The following FAR2 variants were observed in gnomAD, a reference collection of about 807,000 sequenced individuals.
The protein encoded by FAR2 is fatty acyl-CoA reductase 2, also known as epididymis secretory protein Li 81.
A neutral mutation model predicts 56.0 loss-of-function variants in FAR2; 19 were observed. That is an observed-to-expected ratio of 0.34 (90% CI 0.24 to 0.50). The LOEUF (loss-of-function observed/expected upper bound fraction) is 0.50, where lower values mean the gene tolerates loss of function less well. Ranked by LOEUF, FAR2 falls within the 20% of genes least tolerant of loss-of-function variation. The probability of loss-of-function intolerance (pLI) is 0.98; values close to 1 mark genes in which losing one functional copy is unlikely to be tolerated. For missense variants in FAR2, 508 were observed against 642.2 expected (o/e 0.79, Z 2.26); for synonymous variants, 219 against 218.8 (o/e 1.00, Z -0.01).
intron 1 of FAR2, among the ~76,000 whole-genome samples, chr12:29,216,849 A>G (rs953628438): frequency 1.3e-5 from 2 of 152,236 alleles, no homozygotes; most frequent in African/African-American, 2.4e-5. Flanking sequence ...AGGAGAAACT[A>G]GATTTTATCA....
chr12:29,260,894 T>A (rs891700088), intron 1 of FAR2, among the ~76,000 whole-genome samples: 2 of 152,198 alleles, frequency 1.3e-5, no homozygotes, highest in African/African-American at 4.8e-5. Flanking sequence ...ACCAAGGCAG[T>A]ACCTTCATGA....
At chr12:29,255,231 T>A (rs1423808102) in intron 1 of FAR2, among the ~76,000 whole-genome samples, 1 of 152,202 alleles carries the variant, frequency 6.6e-6, no homozygotes, top group Non-Finnish European at 1.5e-5. Flanking sequence ...GCTTGCAGAC[T>A]ATTGCCTATT....
At chr12:29,254,731 C>T (rs1245853893) in intron 1 of FAR2, among the ~76,000 whole-genome samples, 1 of 152,130 alleles carries the variant, frequency 6.6e-6, no homozygotes, top group Non-Finnish European at 1.5e-5. Context: ...GCAGGCAGAT[C>T]ACTTGAGGTC....
chr12:29,241,101 G>A (rs1219183276), intron 1 of FAR2, among the ~76,000 whole-genome samples: 3 of 152,166 alleles, frequency 2.0e-5, no homozygotes, highest in East Asian at 1.9e-4. Context: ...CCACGCACCC[G>A]GCCTCATTGT....
intron 10 of FAR2, among the ~76,000 whole-genome samples, chr12:29,329,161 A>ATAGATATG (rs1949694519): frequency 6.6e-6 from 1 of 152,236 alleles, no homozygotes; most frequent in Non-Finnish European, 1.5e-5. Flanking sequence ...CATATCACAT[A>ATAGATATG]TAGACAAAAT....
chr12:29,200,902 G>A (rs1349495445), intron 1 of FAR2, among the ~76,000 whole-genome samples: 1 of 152,180 alleles, frequency 6.6e-6, no homozygotes, highest in East Asian at 1.9e-4. Context: ...AGTCGCAACT[G>A]TTTACAGGAC....
At chr12:29,263,522 G>A (rs1251456483) in intron 1 of FAR2, among the ~76,000 whole-genome samples, 3 of 151,796 alleles carry the variant, frequency 2.0e-5, no homozygotes, top group Non-Finnish European at 4.4e-5. Flanking sequence ...CAAACACATA[G>A]AAATTAAACA....
intron 1 of FAR2, among the ~76,000 whole-genome samples, chr12:29,245,689 A>G (rs547139606): frequency 1.3e-5 from 2 of 152,182 alleles, no homozygotes; most frequent in Admixed American, 1.3e-4. Context: ...AGAAATATCC[A>G]GTCCCTATAA....
chr12:29,320,059 T>A (rs759109252), intron 9 of FAR2, among the ~76,000 whole-genome samples: 3 of 152,038 alleles, frequency 2.0e-5, no homozygotes, highest in Non-Finnish European at 4.4e-5. Context: ...TTTAAAAACG[T>A]TGTCCAGGCA....
At chr12:29,165,122 T>C (rs890720371) in intron 1 of FAR2, among the ~76,000 whole-genome samples, 2 of 152,228 alleles carry the variant, frequency 1.3e-5, no homozygotes, top group African/African-American at 4.8e-5. Context: ...TATTTGTATC[T>C]TGCTTAAGGA....
intron 10 of FAR2, among the ~76,000 whole-genome samples, chr12:29,325,491 T>C (rs11050191): frequency 0.32 from 47,951 of 151,934 alleles, 7,637 homozygotes; most frequent in East Asian, 0.35. Context: ...ATTGACCACA[T>C]AGTTGGAAGT....
intron 1 of FAR2, among the ~76,000 whole-genome samples, chr12:29,268,326 C>T (rs995754872): frequency 2.0e-5 from 3 of 152,200 alleles, no homozygotes; most frequent in African/African-American, 7.2e-5. Context: ...AGATCTTCCC[C>T]ACACCTCCAG....
rs1949280259 is a variant in FAR2 at position 29,307,918 on chromosome 12, T to TCTC, written c.723+90_723+92dup. The TCTC allele has an allele frequency of 2.2e-6, 3 of 1,394,792 alleles. No homozygotes were observed. In the African/African-American group the frequency reaches 4.3e-5, roughly 20 times the overall value. The allele number at this position is 1,394,792 out of a possible 1,614,324, so 86.4% of individuals were successfully genotyped here. Reference sequence around the variant, plus strand: ...AATTACTTTCTGATGTCTTTCTTCTTCTCCTCCTCAGGATTTATAGCTAAG... The same window carrying TCTC: ...AATTACTTTCTGATGTCTTTCTTCTTCTCCTCCTCCTCAGGATTTATAGCTAAG... On this transcript the variant is annotated intron_variant, in intron 5 of 11. Transcript: ENST00000536681.
At chr12:29,171,951 C>A (rs528186510) in intron 1 of FAR2, 1 of 150,500 alleles carries the variant, frequency 6.6e-6, no homozygotes, top group Non-Finnish European at 1.5e-5. Flanking sequence ...GTAAGGAGCA[C>A]CTCTGCCTGG....
chr12:29,214,507 A>AGAACAT (rs1286251538), intron 1 of FAR2, among the ~76,000 whole-genome samples: 3 of 152,294 alleles, frequency 2.0e-5, no homozygotes, highest in African/African-American at 7.2e-5. Flanking sequence ...CTAGAACACA[A>AGAACAT]GAACATGAAC....
chr12:29,190,529 A>C (rs1000435509), intron 1 of FAR2, among the ~76,000 whole-genome samples: 2 of 152,022 alleles, frequency 1.3e-5, no homozygotes, highest in Non-Finnish European at 2.9e-5. Flanking sequence ...CAGTGGTGCA[A>C]TCTCAGCTCA....
chr12:29,327,324 C>G (rs1591975070), intron 10 of FAR2, among the ~76,000 whole-genome samples: 1 of 152,162 alleles, frequency 6.6e-6, no homozygotes, highest in South Asian at 2.1e-4. Flanking sequence ...AATGGCCATA[C>G]TGCCCAAGGT....
rs1565685602 is a variant in FAR2, at chr12:29,186,751, A to ATTT, written c.-39+37345_-39+37347dup. On this transcript the variant is annotated intron_variant, in intron 1 of 11. Coordinates refer to ENST00000536681, the MANE Select transcript of FAR2 (RefSeq NM_001271783.2). Reference sequence around the variant, plus strand: ...TTAGAATTATACAGCTTAGTTCTTTATTTATTATTTATTTATTTATTTATT... The same window carrying ATTT: ...TTAGAATTATACAGCTTAGTTCTTTATTTTTTATTATTTATTTATTTATTTATT... Among the ~76,000 whole-genome samples the ATTT allele has an allele frequency of 5.8e-3, 119 of 20,508 alleles. 1 individual carries two copies. The highest frequency in any genetic ancestry group is 8.6e-3 in the African/African-American group (112 of 13,092). The allele number at this position is 20,508 out of a possible 152,430, so 13.5% of individuals were successfully genotyped here. A position where few individuals can be genotyped will look rare whatever the true frequency, so the allele number is the denominator to read the frequency against.
At chr12:29,274,530 A>G (rs1200029219) in intron 2 of FAR2, among the ~76,000 whole-genome samples, 3 of 152,132 alleles carry the variant, frequency 2.0e-5, no homozygotes, top group Non-Finnish European at 4.4e-5. Flanking sequence ...TTATAGCAGC[A>G]TGACTTATAA....
Sources: gnomAD v4.1 joint callset for allele counts (sites outside exome capture counted in the v4.1 genomes callset) on GRCh38, gnomAD v4.1.1 for gene constraint, MANE v1.5 for transcripts, NCBI Gene and HGNC (gene_info 2026-07-23, HGNC 2026-07-21) for gene names.